N4BP2: variants seen among roughly 807,000 people sequenced by gnomAD.
N4BP2 encodes NEDD4 binding protein 2.
A neutral mutation model predicts 152.8 loss-of-function variants in N4BP2; 91 were observed. The observed-to-expected ratio is 0.60, with a 90% CI of 0.50 to 0.71. The LOEUF (loss-of-function observed/expected upper bound fraction) is 0.71, where lower values mean the gene tolerates loss of function less well. N4BP2 is among the 30% of genes least tolerant of loss of function. N4BP2 has a pLI of 0.00. For missense variants in N4BP2, 1,923 were observed against 2,059.1 expected (o/e 0.93, Z 1.28); for synonymous variants, 646 against 705.3 (o/e 0.92, Z 1.33).
In N4BP2 at chr4:40,121,338, C is replaced by T. The variant is rs183255501; in HGVS notation, c.3227C>T (p.Thr1076Met). Residue 1076 changes from threonine to methionine, a missense_variant, in exon 9 of 18, where the codon ACG becomes ATG. Thr to Met is a moderately conservative substitution (Grantham distance 81). Coordinates refer to ENST00000261435, the MANE Select transcript of N4BP2 (RefSeq NM_018177.6). The part of the protein sequence containing the change: ...IPYRVMYDKS[T>M]FVEESELTSA... Reference sequence around the variant, plus strand: ...TATAGAGTAATGTATGATAAAAGCACGTTTGTTGAAGAAAGTGAGCTTACC... The same window carrying T: ...TATAGAGTAATGTATGATAAAAGCATGTTTGTTGAAGAAAGTGAGCTTACC... 2.1e-4 allele frequency: 345 copies of T among 1,613,828 alleles called. 1 individual carries two copies. The East Asian group carries it at 3.1e-3, about 15-fold the overall frequency.
chr4:40,118,132 G>A, intron 8 of N4BP2, 108 bp downstream of exon 8: 1 of 986,750 alleles, frequency 1.0e-6, no homozygotes, highest in East Asian at 3.1e-5. Context: ...AAATAAGGTG[G>A]ACTTGGCTGG....
At chr4:40,125,307 C>T (rs148291751) in intron 11 of N4BP2, among the ~76,000 whole-genome samples, 262 of 152,336 alleles carry the variant, frequency 1.7e-3, no homozygotes, top group African/African-American at 5.9e-3. Flanking sequence ...TGAAATGTTA[C>T]ACATTAAATT....
At chr4:40,112,231 T>A in intron 6 of N4BP2, 59 bp downstream of exon 6, 2 of 966,844 alleles carry the variant, frequency 2.1e-6, no homozygotes, top group Non-Finnish European at 3.2e-6. Flanking sequence ...TTGGGGAACA[T>A]TAATTATGAA....
chr4:40,058,855 G>A (rs1625495), intron 1 of N4BP2, among the ~76,000 whole-genome samples: 129,376 of 152,126 alleles, frequency 0.85, 55,091 homozygotes, highest in East Asian at 0.97. Context: ...AGGTCTGGCC[G>A]TATCGCCAAG....
chr4:40,093,190 C>T (rs946261231), intron 2 of N4BP2, among the ~76,000 whole-genome samples: 12 of 151,810 alleles, frequency 7.9e-5, no homozygotes, highest in South Asian at 4.2e-4. Flanking sequence ...GTGATCCACC[C>T]GCCTCAGCCT....
chr4:40,065,467 C>T (rs761346105), intron 1 of N4BP2, among the ~76,000 whole-genome samples: 13 of 151,934 alleles, frequency 8.6e-5, no homozygotes, highest in Non-Finnish European at 1.6e-4. Context: ...AGAACCTTAG[C>T]GAGCAATGAC....
chr4:40,183,269 AATCATTTCTATACAGT>A, the N4BP2 span, among the ~76,000 whole-genome samples: 1 of 152,154 alleles, frequency 6.6e-6, no homozygotes, highest in African/African-American at 2.4e-5. Context: ...ATAATCTACC[AATCATTTCTATACAGT>A]ATTCTACATT....
intron 13 of N4BP2, among the ~76,000 whole-genome samples, chr4:40,133,806 TTGTG>T (rs974745967): frequency 6.6e-6 from 1 of 152,010 alleles, no homozygotes; most frequent in Non-Finnish European, 1.5e-5. Flanking sequence ...ATATACTTTT[TTGTG>T]TGTGTGTGTT....
intron 2 of N4BP2, among the ~76,000 whole-genome samples, chr4:40,090,314 A>G (rs1243961915): frequency 6.6e-6 from 1 of 152,196 alleles, no homozygotes; most frequent in Non-Finnish European, 1.5e-5. Context: ...CTATAAAAAA[A>G]TCTTGCTTGG....
the N4BP2 span, among the ~76,000 whole-genome samples, chr4:40,176,534 A>C: frequency 1.3e-5 from 2 of 152,292 alleles, no homozygotes; most frequent in East Asian, 3.9e-4. Flanking sequence ...TCTGATAAGC[A>C]TGCCTCCCTC....
intron 15 of N4BP2, among the ~76,000 whole-genome samples, chr4:40,144,071 C>G (rs1720289152): frequency 6.6e-6 from 1 of 152,030 alleles, no homozygotes; most frequent in Non-Finnish European, 1.5e-5. Context: ...CAAGAGCCAC[C>G]AAGAGGCAGC....
intron 16 of N4BP2, among the ~76,000 whole-genome samples, chr4:40,151,040 G>T (rs1044109944): frequency 3.3e-5 from 5 of 152,164 alleles, no homozygotes; most frequent in Non-Finnish European, 7.3e-5. Flanking sequence ...TTTCTAAGGC[G>T]TTAAACAGCA....
chr4:40,147,496 G>A (rs1720666364), intron 16 of N4BP2, among the ~76,000 whole-genome samples: 1 of 150,382 alleles, frequency 6.6e-6, no homozygotes, highest in South Asian at 2.1e-4. Flanking sequence ...CGGCCGGGCA[G>A]AGGCGCCCCC....
At chr4:40,079,254 G>C (rs1378878996) in intron 2 of N4BP2, among the ~76,000 whole-genome samples, 1 of 151,680 alleles carries the variant, frequency 6.6e-6, no homozygotes, top group African/African-American at 2.4e-5. Context: ...TTGATGATGT[G>C]GTTTTCAGTA....
intron 2 of N4BP2, among the ~76,000 whole-genome samples, chr4:40,091,256 C>CT (rs1470372505): frequency 6.6e-6 from 1 of 151,730 alleles, no homozygotes; most frequent in Admixed American, 6.6e-5. Flanking sequence ...GTTTTATTTT[C>CT]TTTTTTTCTC....
intron 1 of N4BP2, among the ~76,000 whole-genome samples, chr4:40,059,060 A>G (rs1336287570): frequency 6.6e-6 from 1 of 152,072 alleles, no homozygotes; most frequent in Admixed American, 6.6e-5. Flanking sequence ...AGCTCAAGCA[A>G]TCCAACTGCC....
At position 40,102,912 on chromosome 4, in the gene N4BP2, C is replaced by T. The variant is rs551937574; in HGVS notation, c.1067C>T (p.Pro356Leu). 5 of 1,614,102 alleles carry T rather than the reference C, an allele frequency of 3.1e-6. No homozygotes were observed. The highest frequency in any genetic ancestry group is 1.3e-5 in the African/African-American group (1 of 74,924). ...VLAPLPLLLP[P>L]PPPPPMWNPM... ...GCTCCTCTCCCATTGCTGTTGCCTC[C>T]TCCGCCACCTCCACCGATGTGGAAT... The change falls in exon 4 of 18, where the codon CCT becomes CTT. Residue 356 changes from proline (P) to leucine (L), a missense_variant. Physicochemically the swap from Pro to Leu is moderately conservative, Grantham distance 98 (BLOSUM62 -3). Transcript: ENST00000261435.
At chr4:40,057,427 G>C (rs963343101) in intron 1 of N4BP2, among the ~76,000 whole-genome samples, 3 of 152,250 alleles carry the variant, frequency 2.0e-5, no homozygotes, top group Non-Finnish European at 4.4e-5. Flanking sequence ...AGGCGCCTTA[G>C]GTGTTTGCCA....
intron 1 of N4BP2, among the ~76,000 whole-genome samples, chr4:40,067,499 G>A (rs1711649208): frequency 6.6e-6 from 1 of 151,814 alleles, no homozygotes; most frequent in Non-Finnish European, 1.5e-5. Context: ...ACATGCATGT[G>A]CAAGTATCTC....
Sources: gnomAD v4.1 joint callset for allele counts (sites outside exome capture counted in the v4.1 genomes callset) on GRCh38, gnomAD v4.1.1 for gene constraint, MANE v1.5 for transcripts, NCBI Gene and HGNC (gene_info 2026-07-23, HGNC 2026-07-21) for gene names.